HIPK3: variants seen among roughly 807,000 people sequenced by gnomAD.
HIPK3 encodes homeodomain-interacting protein kinase 3.
A neutral mutation model predicts 124.2 loss-of-function variants in HIPK3; 47 were observed. That is an observed-to-expected ratio of 0.38 (90% CI 0.30 to 0.48). HIPK3 has a LOEUF of 0.48. HIPK3 is among the 20% of genes least tolerant of loss of function. The pLI is 0.98. For synonymous variants in HIPK3, 482 were observed against 515.2 expected (o/e 0.94, Z 0.87); for missense variants, 1,286 against 1,454.3 (o/e 0.88, Z 1.88).
In HIPK3 at chr11:33,355,370, GT is replaced by G. The variant is rs1853789134; in HGVS notation, c.*1803del. On this transcript the variant is annotated 3_prime_UTR_variant, in exon 17 of 17. Transcript: ENST00000303296. ...ATATTAAAAAAACTTGGATGTATCA[GT>G]GTAACTTAATTTTTTATTTTCATAC... is the stretch of plus-strand genomic sequence containing the variant. 2 of 151,996 alleles carry G rather than the reference GT, an allele frequency of 1.3e-5. No homozygotes were observed. Among genetic ancestry groups the G allele is most frequent in the Admixed American group, 1.3e-4 (2 of 15,260 alleles). 9.4% of individuals were successfully genotyped at this position (151,996 alleles called of 1,614,324 possible). A position where few individuals can be genotyped will look rare whatever the true frequency, so the allele number is the denominator to read the frequency against.
At chr11:33,349,036 G>A (rs1853581758) in intron 13 of HIPK3, 111 bp from the exon 14 acceptor site, 1 of 1,069,490 alleles carries the variant, frequency 9.4e-7, no homozygotes, top group African/African-American at 1.6e-5. Flanking sequence ...TTTTGTCCAT[G>A]TAGGTCATTC....
intron 1 of HIPK3, chr11:33,258,212 C>T (rs969641302): frequency 1.4e-6 from 1 of 728,002 alleles, no homozygotes; most frequent in Non-Finnish European, 1.7e-6. Flanking sequence ...TCGGCCCCCC[C>T]TCCCCCTGCC....
At chr11:33,337,997 C>T (rs1853208759) in intron 4 of HIPK3, among the ~76,000 whole-genome samples, 1 of 152,002 alleles carries the variant, frequency 6.6e-6, no homozygotes, top group Non-Finnish European at 1.5e-5. Context: ...GAAGAAAGCC[C>T]TCTTGGAATA....
chr11:33,322,664 A>G (rs1019029947), intron 2 of HIPK3, among the ~76,000 whole-genome samples: 2 of 152,094 alleles, frequency 1.3e-5, no homozygotes, highest in Non-Finnish European at 2.9e-5. Flanking sequence ...CATCTTTACT[A>G]AAAACACAAA....
chr11:33,299,859 A>T (rs1851945451), intron 2 of HIPK3, among the ~76,000 whole-genome samples: 1 of 151,696 alleles, frequency 6.6e-6, no homozygotes, highest in Admixed American at 6.6e-5. Context: ...CCTCATCTCT[A>T]CAAAAACACA....
chr11:33,336,310 G>C (rs1338788416), intron 3 of HIPK3, among the ~76,000 whole-genome samples: 1 of 152,158 alleles, frequency 6.6e-6, no homozygotes, highest in East Asian at 1.9e-4. Context: ...CCTTGGGAGA[G>C]CCCATCAACT....
At chr11:33,349,794 T>G (rs1853603611) in intron 14 of HIPK3, among the ~76,000 whole-genome samples, 1 of 152,020 alleles carries the variant, frequency 6.6e-6, no homozygotes, top group South Asian at 2.1e-4. Context: ...GGAGATGAAG[T>G]GTGGCTCTGT....
intron 1 of HIPK3, chr11:33,258,721 C>T: frequency 1.0e-6 from 1 of 985,232 alleles, no homozygotes; most frequent in Non-Finnish European, 1.2e-6. Flanking sequence ...CCTGTTGTTC[C>T]CGTCTCATCT....
At chr11:33,310,311 T>TATCTATCTATCTATCTA (rs1565078204) in intron 2 of HIPK3, among the ~76,000 whole-genome samples, 139 of 150,930 alleles carry the variant, frequency 9.2e-4, no homozygotes, top group African/African-American at 3.3e-3. Flanking sequence ...CTATCTAATC[T>TATCTATCTATCTATCTA]ATCTATCTAT....
Position 33,347,988 on chromosome 11 carries a change from A to G in HIPK3, c.2281A>G (p.Lys761Glu). ...HVVWPQPATT[K>E]KNKQCQNRGI... Reference sequence around the variant, plus strand: ...TGTCTGGCCTCAGCCTGCCACTACCAAGAAAAATAAACAGTGCCAGAACAG... The same window carrying G: ...TGTCTGGCCTCAGCCTGCCACTACCGAGAAAAATAAACAGTGCCAGAACAG... Residue 761 changes from lysine to glutamate, a missense_variant, in exon 11 of 17, where the codon AAG becomes GAG. Coordinates refer to ENST00000303296, the MANE Select transcript of HIPK3 (RefSeq NM_005734.5). The G allele has an allele frequency of 1.2e-6, 2 of 1,614,210 alleles. No homozygotes were observed. Among genetic ancestry groups the G allele is most frequent in the Non-Finnish European group, 8.5e-7 (1 of 1,180,018 alleles).
At chr11:33,348,270 G>A in intron 12 of HIPK3, 42 bp downstream of exon 12, 1 of 1,545,052 alleles carries the variant, frequency 6.5e-7, no homozygotes, top group Non-Finnish European at 8.9e-7. Context: ...TTATCTACCT[G>A]TAATGTAGCA....
intron 1 of HIPK3, among the ~76,000 whole-genome samples, chr11:33,284,272 C>G (rs1195486585): frequency 6.6e-6 from 1 of 151,998 alleles, no homozygotes; most frequent in Non-Finnish European, 1.5e-5. Flanking sequence ...AACTCTATAT[C>G]CTTGGCACTT....
chr11:33,284,176 C>A (rs1179502999), intron 1 of HIPK3, among the ~76,000 whole-genome samples: 1 of 151,970 alleles, frequency 6.6e-6, no homozygotes, highest in Non-Finnish European at 1.5e-5. Context: ...GAGTAGGAGA[C>A]CACATAGTTA....
intron 2 of HIPK3, among the ~76,000 whole-genome samples, chr11:33,312,046 G>GA (rs1852365514): frequency 6.6e-6 from 1 of 150,882 alleles, no homozygotes; most frequent in African/African-American, 2.4e-5. Context: ...GTTTTGTAGA[G>GA]ACAGGGTCTT....
At chr11:33,256,749 G>C, upstream of HIPK3, 1 of 979,496 alleles carries the variant, frequency 1.0e-6, no homozygotes, top group Non-Finnish European at 1.2e-6. Context: ...TTACCAATGT[G>C]GAGGTGGGCG....
At chr11:33,335,349 G>C (rs928002959) in intron 3 of HIPK3, among the ~76,000 whole-genome samples, 11 of 152,156 alleles carry the variant, frequency 7.2e-5, no homozygotes, top group Non-Finnish European at 1.5e-4. Flanking sequence ...CAGAGGAACA[G>C]AGTTAAAGAC....
rs562967450 is a variant in HIPK3, at chr11:33,287,813, T to C, written c.1097+302T>C. Among the ~76,000 whole-genome samples the C allele has an allele frequency of 3.3e-5, 5 of 152,302 alleles. No individual in the cohort carries two copies. In the South Asian group the frequency reaches 6.2e-4, roughly 19 times the overall value. Reference sequence around the variant, plus strand: ...ATGATCAAACAGAAGTCTTTAAATGTTGGAAAGTATTTACATTAATCTTTG... The same window carrying C: ...ATGATCAAACAGAAGTCTTTAAATGCTGGAAAGTATTTACATTAATCTTTG... On this transcript the variant is annotated intron_variant, in intron 2 of 16. Transcript: ENST00000303296.
intron 2 of HIPK3, among the ~76,000 whole-genome samples, chr11:33,324,701 C>T (rs1852761028): frequency 6.6e-6 from 1 of 152,204 alleles, no homozygotes; most frequent in African/African-American, 2.4e-5. Context: ...GCTATTCTTG[C>T]TTGATGGGAG....
chr11:33,349,323 T>A (rs751025005), intron 14 of HIPK3, 36 bp downstream of exon 14: 1 of 1,540,496 alleles, frequency 6.5e-7, no homozygotes. Context: ...TAATAAATAG[T>A]AAGTCTACTA....
Sources: gnomAD v4.1 joint callset for allele counts (sites outside exome capture counted in the v4.1 genomes callset) on GRCh38, gnomAD v4.1.1 for gene constraint, MANE v1.5 for transcripts, NCBI Gene and HGNC (gene_info 2026-07-23, HGNC 2026-07-21) for gene names.